Variants in PDLIM3 observed in about 807,000 individuals in gnomAD.
PDLIM3 encodes PDZ and LIM domain protein 3.
PDLIM3 carries 36 observed loss-of-function variants against 37.3 expected under a neutral mutation model. That is an observed-to-expected ratio of 0.97 (90% CI 0.74 to 1.28). The LOEUF is 1.28. Ranked by LOEUF, PDLIM3 falls within the 50% of genes most tolerant of loss-of-function variation. The probability of loss-of-function intolerance (pLI) is 0.00; values close to 1 mark genes in which losing one functional copy is unlikely to be tolerated. For missense variants in PDLIM3, 454 were observed against 485.0 expected (o/e 0.94, Z 0.60); for synonymous variants, 174 against 182.4 (o/e 0.95, Z 0.37).
At chr4:185,510,951 C>G (rs1412357187) in intron 4 of PDLIM3, among the ~76,000 whole-genome samples, 1 of 152,198 alleles carries the variant, frequency 6.6e-6, no homozygotes, top group African/African-American at 2.4e-5. Context: ...CGTGGGTCAC[C>G]ACGACCTGTT....
intron 2 of PDLIM3, among the ~76,000 whole-genome samples, chr4:185,524,589 A>G (rs1216988827): frequency 1.3e-5 from 2 of 152,202 alleles, no homozygotes; most frequent in Non-Finnish European, 2.9e-5. Context: ...CAGACAGGAT[A>G]TTAGCAACCA....
chr4:185,511,322 C>A (rs1028419674), intron 4 of PDLIM3, among the ~76,000 whole-genome samples: 9 of 151,766 alleles, frequency 5.9e-5, no homozygotes, highest in African/African-American at 2.2e-4. Flanking sequence ...ATGGTAAAAC[C>A]CCAGGGAAAT....
At chr4:185,531,906 T>C (rs746435672) in intron 1 of PDLIM3, among the ~76,000 whole-genome samples, 6 of 132,842 alleles carry the variant, frequency 4.5e-5, no homozygotes, top group East Asian at 2.2e-4. Flanking sequence ...CTGGCCAACA[T>C]GGTGAAACCC....
At chr4:185,519,865 G>T (rs2095720596) in intron 3 of PDLIM3, among the ~76,000 whole-genome samples, 1 of 152,070 alleles carries the variant, frequency 6.6e-6, no homozygotes, top group African/African-American at 2.4e-5. Flanking sequence ...TTGTTCCATG[G>T]CCTTTTGCTA....
At chr4:185,531,672 TAGCTTGTAGGAGGACAAA>T (rs1002503841) in intron 1 of PDLIM3, among the ~76,000 whole-genome samples, 2 of 152,268 alleles carry the variant, frequency 1.3e-5, no homozygotes, top group South Asian at 2.1e-4. Flanking sequence ...GTGAAGGGTA[TAGCTTGTAGGAGGACAAA>T]AGCTGATTTA....
Position 185,504,217 on chromosome 4 carries a change from A to G in PDLIM3, c.905+258T>C, listed in dbSNP as rs1174947575. ...TCTTAGACGTGACTTTTCAACATAC[A>G]TTTGGGCATCTTTTTTTTTTCATGA... is the stretch of plus-strand genomic sequence containing the variant. On this transcript the variant is annotated intron_variant, in intron 7 of 7. Transcript: ENST00000284767. The surrounding 1 kb of genome is among the most constrained non-coding windows in gnomAD (Gnocchi z 4.7). Among the ~76,000 whole-genome samples, 5 of 151,936 alleles carry G rather than the reference A, an allele frequency of 3.3e-5. No homozygotes were observed. The highest frequency in any genetic ancestry group is 7.4e-5 in the Non-Finnish European group (5 of 67,984).
rs1303943368 is a variant in PDLIM3 at position 185,500,968 on chromosome 4, AG to A, written c.*1325del. 1 of 152,362 alleles carries A rather than the reference AG, an allele frequency of 6.6e-6. No individual in the cohort carries two copies. The allele number at this position is 152,362 out of a possible 1,614,324, so 9.4% of individuals were successfully genotyped here. On this transcript the variant is annotated 3_prime_UTR_variant, in exon 8 of 8. Transcript: ENST00000284767. The stretch of plus-strand genomic sequence containing the variant: ...ACAAGGTGGTGAGACAGAGGGTCTG[AG>A]GGTCCCCACCCTGCTGGTTCCCCAT...
Position 185,525,092 on chromosome 4 carries a change from T to C in PDLIM3, c.173A>G (p.Glu58Gly), listed in dbSNP as rs1561201996. Reference protein sequence around the residue: ...VILAIDGFGTESMTHADAQDR... With the variant: ...VILAIDGFGTGSMTHADAQDR... ...CTGCGCATCAGCATGAGTCATGGAC[T>C]CTGTCCCAAAGCCGTCAATAGCCAG... Residue 58 changes from glutamate (E) to glycine (G), a missense_variant, in exon 2 of 8, where the codon GAG becomes GGG. Glu to Gly is a moderately conservative substitution (Grantham distance 98). Coordinates refer to ENST00000284767, the MANE Select transcript of PDLIM3 (RefSeq NM_014476.6). 6.8e-6 allele frequency: 11 copies of C among 1,614,054 alleles called. No individual in the cohort carries two copies. Among genetic ancestry groups the C allele is most frequent in the Non-Finnish European group, 9.3e-6 (11 of 1,179,984 alleles).
At chr4:185,506,027 A>C (rs1001837376) in intron 6 of PDLIM3, among the ~76,000 whole-genome samples, 2 of 151,946 alleles carry the variant, frequency 1.3e-5, no homozygotes, top group African/African-American at 4.9e-5. Context: ...CCACCCGCCC[A>C]TCTCTCAGCG....
chr4:185,514,516 T>G lies in PDLIM3; in HGVS notation c.331-179A>C, dbSNP rs73016235. On this transcript the variant is annotated intron_variant, in intron 3 of 7. Transcript: ENST00000284767. The surrounding 1 kb of genome is among the most constrained non-coding windows in gnomAD (Gnocchi z 4.0). ...TTCCAACCATCTATCCGCTAAACGG[T>G]CAGGCACTGGCGGATTGGACCCCAC... 19,491 of 1,382,316 alleles carry G rather than the reference T, an allele frequency of 0.014. 2,204 individuals are homozygous for G. The African/African-American group carries it at 0.25, about 18-fold the overall frequency. The allele number at this position is 1,382,316 out of a possible 1,614,324, so 85.6% of individuals were successfully genotyped here. A position where few individuals can be genotyped will look rare whatever the true frequency, so the allele number is the denominator to read the frequency against.
chr4:185,525,026 A>G lies in PDLIM3; in HGVS notation c.239T>C (p.Ile80Thr). ...KAAAHQLCLK[I>T]DRGETHLWSP... ...ACCATTAGTTAAGAAGCACCTGTCA[A>G]TTTTGAGACACAGCTGGTGAGCTGC... Residue 80 changes from isoleucine to threonine, a missense_variant, in exon 2 of 8, where the codon ATT (isoleucine) becomes ACT (threonine). Physicochemically the swap from Ile to Thr is moderately conservative, Grantham distance 89. Transcript: ENST00000284767. 2 of 1,614,138 alleles carry G rather than the reference A, an allele frequency of 1.2e-6. No individual in the cohort carries two copies. Among genetic ancestry groups the G allele is most frequent in the East Asian group, 4.5e-5 (2 of 44,882 alleles).
Position 185,535,395 on chromosome 4 carries a change from C to A in PDLIM3, c.40G>T (p.Gly14Cys), listed in dbSNP as rs150125560. ...TCTATGCCCCCTGAGAGCCTGAAGCCCCAGGGCGCAGGGCCCGGGAGGATC... is the reference window on the plus strand; with the variant it reads ...TCTATGCCCCCTGAGAGCCTGAAGCACCAGGGCGCAGGGCCCGGGAGGATC... ...TVILPGPAPW[G>C]FRLSGGIDFN... is the part of the protein sequence containing the mutation. The change falls in exon 1 of 8, where the codon GGC becomes TGC. Residue 14 changes from glycine (G) to cysteine (C), a missense_variant. By Grantham distance (159) the Gly-to-Cys change is radical. Transcript: ENST00000284767. The A allele has an allele frequency of 6.2e-7, 1 of 1,607,694 alleles. No individual in the cohort carries two copies. The highest frequency in any genetic ancestry group is 8.5e-7 in the Non-Finnish European group (1 of 1,177,412).
At chr4:185,527,524 A>G (rs960970589) in intron 1 of PDLIM3, among the ~76,000 whole-genome samples, 1 of 152,226 alleles carries the variant, frequency 6.6e-6, no homozygotes, top group African/African-American at 2.4e-5. Context: ...CAGTTAATAG[A>G]AGCTGGGTGA....
intron 4 of PDLIM3, chr4:185,512,660 A>G (rs2153334687): frequency 1.0e-6 from 1 of 984,818 alleles, no homozygotes; most frequent in Non-Finnish European, 1.2e-6. Flanking sequence ...ACTCTAACGT[A>G]TCACTTTATT....
chr4:185,513,169 T>G (rs1457759469), intron 4 of PDLIM3: 1 of 982,468 alleles, frequency 1.0e-6, no homozygotes, highest in Admixed American at 6.2e-5. Context: ...TGAGCTCACG[T>G]TCTAGGGGGG....
chr4:185,503,452 T>A (rs1580231420), intron 7 of PDLIM3, among the ~76,000 whole-genome samples: 1 of 152,288 alleles, frequency 6.6e-6, no homozygotes, highest in Non-Finnish European at 1.5e-5. Flanking sequence ...ACGTTCCTCC[T>A]TTTGCCCTAA....
At position 185,502,192 on chromosome 4, in the gene PDLIM3, G is replaced by T; in HGVS notation, c.*102C>A. The T allele has an allele frequency of 8.5e-7, 1 of 1,178,782 alleles. No homozygotes were observed. The highest frequency in any genetic ancestry group is 1.3e-6 in the Non-Finnish European group (1 of 797,912). The allele number at this position is 1,178,782 out of a possible 1,614,324, so 73.0% of individuals were successfully genotyped here. A position where few individuals can be genotyped will look rare whatever the true frequency, so the allele number is the denominator to read the frequency against. On this transcript the variant is annotated 3_prime_UTR_variant, in exon 8 of 8. Transcript: ENST00000284767. Reference sequence around the variant, plus strand: ...GGTCTAAAGCCTTGACTTTAGATTTGGAGTTGACAATCTGCACAATCCTTC... The same window carrying T: ...GGTCTAAAGCCTTGACTTTAGATTTTGAGTTGACAATCTGCACAATCCTTC...
intron 4 of PDLIM3, among the ~76,000 whole-genome samples, chr4:185,511,606 T>C (rs2095706703): frequency 6.6e-6 from 1 of 152,122 alleles, no homozygotes. Flanking sequence ...GGTGATCTGC[T>C]CACCTGGGCC....
chr4:185,512,715 C>T (rs2095708506), intron 4 of PDLIM3: 1 of 985,178 alleles, frequency 1.0e-6, no homozygotes, highest in Admixed American at 6.1e-5. Flanking sequence ...GACTCAGTCA[C>T]ACTAACCTGA....
Sources: allele counts gnomAD v4.1 joint callset (sites outside exome capture counted in the v4.1 genomes callset), GRCh38; gene constraint gnomAD v4.1.1; non-coding constraint Gnocchi (gnomAD v3.1); transcripts MANE v1.5; gene names NCBI Gene and HGNC (gene_info 2026-07-23, HGNC 2026-07-21).